The following KATNBL1 variants were observed in gnomAD, a reference collection of about 807,000 sequenced individuals.
KATNBL1 encodes the protein KATNB1-like protein 1.
KATNBL1 carries 28 observed loss-of-function variants against 44.7 expected under a neutral mutation model. That is an observed-to-expected ratio of 0.63 (90% confidence interval 0.46 to 0.86). The LOEUF (loss-of-function observed/expected upper bound fraction) is 0.86, where lower values mean the gene tolerates loss of function less well. Ranked by LOEUF, KATNBL1 falls within the 40% of genes least tolerant of loss-of-function variation. The probability of loss-of-function intolerance (pLI) is 0.00; values close to 1 mark genes in which losing one functional copy is unlikely to be tolerated. For missense variants in KATNBL1, 272 were observed against 350.7 expected (o/e 0.78, Z 1.79); for synonymous variants, 78 against 114.9 (o/e 0.68, Z 2.06).
intron 1 of KATNBL1, among the ~76,000 whole-genome samples, chr15:34,190,998 C>T (rs1016828860): frequency 3.9e-5 from 6 of 151,960 alleles, no homozygotes; most frequent in Non-Finnish European, 8.8e-5. Flanking sequence ...TATTAAAAGA[C>T]ACTTCAGGAC....
At chr15:34,204,457 C>T (rs1595369959) in intron 1 of KATNBL1, among the ~76,000 whole-genome samples, 1 of 152,180 alleles carries the variant, frequency 6.6e-6, no homozygotes, top group Non-Finnish European at 1.5e-5. Flanking sequence ...TTCGTGGATA[C>T]TCATGTCCCC....
At chr15:34,197,814 C>A (rs138152536) in intron 1 of KATNBL1, among the ~76,000 whole-genome samples, 10,202 of 152,202 alleles carry the variant, frequency 0.067, 389 homozygotes, top group Middle Eastern at 0.11. Flanking sequence ...GTGGCATGAT[C>A]TCGGCTTACT....
chr15:34,148,339 G>C (rs1042435945), intron 5 of KATNBL1: 1 of 213,774 alleles, frequency 4.7e-6, no homozygotes, highest in Non-Finnish European at 9.4e-6. Flanking sequence ...GCTACATATA[G>C]GCAGTTTAGA....
chr15:34,179,340 T>C (rs1043323695), intron 1 of KATNBL1, among the ~76,000 whole-genome samples: 2 of 152,170 alleles, frequency 1.3e-5, no homozygotes, highest in East Asian at 1.9e-4. Context: ...TTAACAATAA[T>C]GAACCTGCTC....
chr15:34,186,710 CCCACTG>C (rs1371250473), intron 1 of KATNBL1, among the ~76,000 whole-genome samples: 2 of 152,228 alleles, frequency 1.3e-5, no homozygotes, highest in African/African-American at 4.8e-5. Context: ...GGTGTCTGCT[CCCACTG>C]CCTGGCCTCT....
At position 34,147,505 on chromosome 15, in the gene KATNBL1, AC is replaced by A. The variant is rs1888345638; in HGVS notation, c.558-76del. 2.6e-6 allele frequency: 3 copies of A among 1,162,114 alleles called. No individual in the cohort carries two copies. In the Admixed American group the frequency reaches 6.1e-5, roughly 24 times the overall value. 72.0% of individuals were successfully genotyped at this position (1,162,114 alleles called of 1,614,324 possible). On this transcript the variant is annotated intron_variant, in intron 5 of 9. Coordinates refer to ENST00000256544, the MANE Select transcript of KATNBL1 (RefSeq NM_024713.3). ...TTACTTTCATATTATGATTATTCAC[AC>A]CGCTTTTGAGAAATTCATTCATTTA...
intron 3 of KATNBL1, among the ~76,000 whole-genome samples, chr15:34,153,462 GATTT>G (rs1386201170): frequency 1.3e-5 from 2 of 152,268 alleles, no homozygotes; most frequent in East Asian, 1.9e-4. Context: ...GAAGTATATT[GATTT>G]ATTTGAGTAA....
At chr15:34,193,112 G>A (rs932760722) in intron 1 of KATNBL1, among the ~76,000 whole-genome samples, 15 of 151,014 alleles carry the variant, frequency 9.9e-5, no homozygotes, top group Non-Finnish European at 1.9e-4. Flanking sequence ...AGCTACTCGG[G>A]AGGCTGAGGC....
chr15:34,161,233 T>C (rs1888794196), intron 2 of KATNBL1, among the ~76,000 whole-genome samples: 1 of 152,214 alleles, frequency 6.6e-6, no homozygotes, highest in Non-Finnish European at 1.5e-5. Context: ...ATGCACAGGG[T>C]TACCTGGTAT....
At chr15:34,176,723 T>C (rs1398991728) in intron 1 of KATNBL1, among the ~76,000 whole-genome samples, 1 of 152,206 alleles carries the variant, frequency 6.6e-6, no homozygotes, top group Non-Finnish European at 1.5e-5. Context: ...AATTTTATGG[T>C]ATATAAATTA....
intron 1 of KATNBL1, among the ~76,000 whole-genome samples, chr15:34,164,506 TCTC>T (rs1888905513): frequency 1.4e-5 from 2 of 145,666 alleles, no homozygotes; most frequent in Non-Finnish European, 3.0e-5. Context: ...TCTCCAAAGC[TCTC>T]CTCTACCTTT....
intron 2 of KATNBL1, among the ~76,000 whole-genome samples, chr15:34,158,392 G>A (rs1234905888): frequency 6.6e-6 from 1 of 152,166 alleles, no homozygotes; most frequent in Non-Finnish European, 1.5e-5. Context: ...ACTGCAGTTG[G>A]GGGAAGAAGG....
At chr15:34,145,315 T>C (rs1888275043) in intron 9 of KATNBL1, 83 bp downstream of exon 9, 1 of 1,315,906 alleles carries the variant, frequency 7.6e-7, no homozygotes. Flanking sequence ...TTATTTTGCC[T>C]AGAGACTTGA....
chr15:34,181,671 T>TATATATCC (rs1414686650), intron 1 of KATNBL1, among the ~76,000 whole-genome samples: 3 of 89,696 alleles, frequency 3.3e-5, no homozygotes, highest in Admixed American at 1.4e-4. Context: ...TATATCCATA[T>TATATATCC]ATATACACAT....
At chr15:34,181,632 ATATATATACACATATATATGTC>A (rs1889538674) in intron 1 of KATNBL1, among the ~76,000 whole-genome samples, 1 of 121,942 alleles carries the variant, frequency 8.2e-6, no homozygotes, top group Non-Finnish European at 1.8e-5. Context: ...ATATATGTCC[ATATATATACACATATATATGTC>A]CATATATATA....
In KATNBL1 at chr15:34,147,419, A is replaced by C. The variant is rs1269017423; in HGVS notation, c.569T>G (p.Leu190Arg). The stretch of plus-strand genomic sequence containing the variant: ...AGGAAGGCAATCTACCACAACGCCA[A>C]GATCTTCTATCCTGAGAGTATAAAA... ...LVAYLLRIED[L>R]GVVVDCLPVL... The change falls in exon 6 of 10, where the codon CTT becomes CGT. Residue 190 changes from leucine to arginine, a missense_variant. Coordinates refer to ENST00000256544, the MANE Select transcript of KATNBL1 (RefSeq NM_024713.3). 6.2e-7 allele frequency: 1 copy of C among 1,612,758 alleles called. No homozygotes were observed. Among genetic ancestry groups the C allele is most frequent in the Non-Finnish European group, 8.5e-7 (1 of 1,178,804 alleles).
At chr15:34,207,055 CCT>C (rs1890314202) in intron 1 of KATNBL1, among the ~76,000 whole-genome samples, 1 of 142,802 alleles carries the variant, frequency 7.0e-6, no homozygotes, top group African/African-American at 2.6e-5. Flanking sequence ...TTTTTTTTTC[CCT>C]GAGACAGGGT....
chr15:34,195,754 A>G (rs566264256), intron 1 of KATNBL1, among the ~76,000 whole-genome samples: 3 of 152,156 alleles, frequency 2.0e-5, no homozygotes, highest in African/African-American at 7.2e-5. Context: ...TTTAATTGTA[A>G]CTGTCAAATG....
At chr15:34,161,098 A>T (rs1597435241) in intron 2 of KATNBL1, among the ~76,000 whole-genome samples, 1 of 152,320 alleles carries the variant, frequency 6.6e-6, no homozygotes, top group Middle Eastern at 3.4e-3. Flanking sequence ...ACGAAACCAC[A>T]AATCCGGACT....
Sources: allele counts gnomAD v4.1 joint callset (sites outside exome capture counted in the v4.1 genomes callset), GRCh38; gene constraint gnomAD v4.1.1; transcripts MANE v1.5; gene names NCBI Gene and HGNC (gene_info 2026-07-23, HGNC 2026-07-21).